The following TTLL11 variants were observed in gnomAD, a reference collection of about 807,000 sequenced individuals.
The protein encoded by TTLL11 is tubulin tyrosine ligase like 11.
A neutral mutation model predicts 51.7 loss-of-function variants in TTLL11; 42 were observed. The ratio of observed to expected loss-of-function variants is 0.81; its 90% CI spans 0.64 to 1.05. TTLL11 has a LOEUF of 1.05. Among genes scored for constraint, TTLL11 ranks in the 50% least tolerant of loss-of-function variants. TTLL11 has a pLI of 0.00. For synonymous variants in TTLL11, 381 were observed against 383.5 expected, an observed-to-expected ratio of 0.99 and a Z score of 0.08; for missense variants, 799 against 940.4, an observed-to-expected ratio of 0.85 and a Z score of 1.97.
At chr9:122,040,674 A>T (rs763054854) in intron 1 of TTLL11, among the ~76,000 whole-genome samples, 8 of 152,214 alleles carry the variant, frequency 5.3e-5, no homozygotes, top group Non-Finnish European at 1.2e-4. Context: ...AGCCTTACTA[A>T]TGAAATGGTG....
At chr9:121,882,292 T>C (rs1838826725) in intron 6 of TTLL11, among the ~76,000 whole-genome samples, 1 of 152,178 alleles carries the variant, frequency 6.6e-6, no homozygotes, top group Non-Finnish European at 1.5e-5. Context: ...GTCAGCGCCC[T>C]GGCCTGGCAG....
Position 122,019,141 on chromosome 9 carries a change from A to C in TTLL11, c.693+12582T>G, listed in dbSNP as rs529311703. ...CCATTGATGCCAACTTCCAAATATTACTCACCTCTGATCTTTCTCTGCCTA... is the reference window on the plus strand; with the variant it reads ...CCATTGATGCCAACTTCCAAATATTCCTCACCTCTGATCTTTCTCTGCCTA... On this transcript the variant is annotated intron_variant, in intron 3 of 8. Coordinates refer to ENST00000321582, the MANE Select transcript of TTLL11 (RefSeq NM_001139442.2). Among the ~76,000 whole-genome samples the C allele has an allele frequency of 2.2e-4, 34 of 152,022 alleles. No homozygotes were observed. In the South Asian group the frequency reaches 6.7e-3, roughly 30 times the overall value.
chr9:121,877,507 AC>A (rs1433948185), intron 6 of TTLL11, among the ~76,000 whole-genome samples: 1 of 152,016 alleles, frequency 6.6e-6, no homozygotes, highest in Non-Finnish European at 1.5e-5. Context: ...ACCTAGACCC[AC>A]GTTGAGCCTA....
chr9:122,061,278 A>G (rs1209110975), intron 1 of TTLL11, among the ~76,000 whole-genome samples: 13 of 152,196 alleles, frequency 8.5e-5, no homozygotes, highest in African/African-American at 2.7e-4. Context: ...ACTATTTCCA[A>G]ATAAGGTCAT....
At chr9:121,845,427 G>GA (rs1231129268) in intron 8 of TTLL11, among the ~76,000 whole-genome samples, 31 of 151,960 alleles carry the variant, frequency 2.0e-4, no homozygotes, top group Non-Finnish European at 4.3e-4. Flanking sequence ...TCAGAGAACA[G>GA]AAAAATGATA....
intron 8 of TTLL11, among the ~76,000 whole-genome samples, chr9:121,836,878 C>T (rs781095266): frequency 1.3e-5 from 2 of 152,192 alleles, no homozygotes; most frequent in Non-Finnish European, 2.9e-5. Context: ...TCCTGTTTCC[C>T]TCCTCTGCCT....
At chr9:121,914,393 C>T (rs1014287386) in intron 6 of TTLL11, among the ~76,000 whole-genome samples, 1 of 152,216 alleles carries the variant, frequency 6.6e-6, no homozygotes, top group Non-Finnish European at 1.5e-5. Flanking sequence ...ATGACCTGAG[C>T]ACCTATTACC....
chr9:121,991,877 T>C (rs1049348369), intron 3 of TTLL11, among the ~76,000 whole-genome samples: 4 of 152,042 alleles, frequency 2.6e-5, no homozygotes, highest in African/African-American at 9.7e-5. Flanking sequence ...CTCAGAGAGG[T>C]GACGTGACTT....
intron 2 of TTLL11, among the ~76,000 whole-genome samples, chr9:122,037,931 G>A (rs1844747899): frequency 6.6e-6 from 1 of 152,102 alleles, no homozygotes; most frequent in South Asian, 2.1e-4. Flanking sequence ...ATAACGTATG[G>A]CTATTGTGTT....
intron 2 of TTLL11, among the ~76,000 whole-genome samples, chr9:122,032,126 A>C (rs1844572853): frequency 6.6e-6 from 1 of 152,186 alleles, no homozygotes; most frequent in South Asian, 2.1e-4. Flanking sequence ...CACCTAGTTT[A>C]TTCTTTTATT....
intron 3 of TTLL11, among the ~76,000 whole-genome samples, chr9:122,030,776 C>CAA (rs35456581): frequency 1.4e-3 from 99 of 69,298 alleles, no homozygotes; most frequent in African/African-American, 2.9e-3. Context: ...ACAAAAAATA[C>CAA]AAAAAAAAAA....
intron 6 of TTLL11, among the ~76,000 whole-genome samples, chr9:121,946,172 A>T (rs72765923): frequency 0.03 from 4,571 of 152,296 alleles, 93 homozygotes; most frequent in Non-Finnish European, 0.044. Flanking sequence ...TAATACAGGA[A>T]CTACTGTGCC....
chr9:121,881,748 G>C (rs1164493343), intron 6 of TTLL11, among the ~76,000 whole-genome samples: 27 of 152,316 alleles, frequency 1.8e-4, no homozygotes, highest in Non-Finnish European at 4.4e-5. Flanking sequence ...CTCAGACAAG[G>C]GTGTCCTGAC....
intron 6 of TTLL11, among the ~76,000 whole-genome samples, chr9:121,948,375 A>C (rs376992437): frequency 6.6e-5 from 10 of 152,318 alleles, no homozygotes; most frequent in African/African-American, 2.4e-4. Context: ...ATGAACCTCA[A>C]TATCACAGTG....
intron 6 of TTLL11, among the ~76,000 whole-genome samples, chr9:121,895,976 G>T (rs1839502148): frequency 2.1e-5 from 1 of 48,516 alleles, no homozygotes; most frequent in Non-Finnish European, 5.2e-5. Flanking sequence ...GTGGGTGTGT[G>T]TCTGTGGTGG....
At chr9:121,965,852 G>C (rs1454330800) in intron 6 of TTLL11, among the ~76,000 whole-genome samples, 1 of 152,182 alleles carries the variant, frequency 6.6e-6, no homozygotes, top group Non-Finnish European at 1.5e-5. Context: ...ATCTTCTCCA[G>C]GATTGGACAA....
chr9:121,881,873 A>G (rs1838809101), intron 6 of TTLL11, among the ~76,000 whole-genome samples: 1 of 152,312 alleles, frequency 6.6e-6, no homozygotes, highest in South Asian at 2.1e-4. Flanking sequence ...AGAGACCTTA[A>G]GATGGAGATA....
chr9:121,882,791 C>G (rs1838848045), intron 6 of TTLL11, among the ~76,000 whole-genome samples: 1 of 152,202 alleles, frequency 6.6e-6, no homozygotes, highest in Non-Finnish European at 1.5e-5. Flanking sequence ...CCACAGCCTT[C>G]CTGGATCCTT....
intron 6 of TTLL11, among the ~76,000 whole-genome samples, chr9:121,935,920 C>T (rs926259861): frequency 3.9e-5 from 6 of 152,294 alleles, no homozygotes; most frequent in South Asian, 2.1e-4. Flanking sequence ...AGCACAGCCC[C>T]GACAGGTCTC....
Sources: gnomAD v4.1 joint callset for allele counts (sites outside exome capture counted in the v4.1 genomes callset) on GRCh38, gnomAD v4.1.1 for gene constraint, MANE v1.5 for transcripts, NCBI Gene and HGNC (gene_info 2026-07-23, HGNC 2026-07-21) for gene names.